RANBP2: variants seen among roughly 807,000 people sequenced by gnomAD.
The protein encoded by RANBP2 is E3 SUMO-protein ligase RanBP2.
RANBP2 carries 57 observed loss-of-function variants against 303.6 expected under a neutral mutation model. The ratio of observed to expected loss-of-function variants is 0.19; its 90% CI spans 0.15 to 0.23. RANBP2 has a LOEUF of 0.23. RANBP2 is among the 10% of genes least tolerant of loss of function. The pLI is 1.00. For synonymous variants in RANBP2, 1,167 were observed against 1,301.5 expected (o/e 0.90, Z 2.23); for missense variants, 3,138 against 3,780.8 (o/e 0.83, Z 4.46).
the RANBP2 span, among the ~76,000 whole-genome samples, chr2:109,230,135 T>C: frequency 6.6e-6 from 1 of 152,286 alleles, no homozygotes; most frequent in South Asian, 2.1e-4. Context: ...ATTTTTTTTT[T>C]CTTCTTAAGG....
the RANBP2 span, among the ~76,000 whole-genome samples, chr2:109,527,513 C>A: frequency 6.6e-6 from 1 of 152,164 alleles, no homozygotes; most frequent in African/African-American, 2.4e-5. Context: ...AGAGGAATAA[C>A]GCAGGCCCTG....
At chr2:109,295,681 G>T in the RANBP2 span, among the ~76,000 whole-genome samples, 26 of 152,308 alleles carry the variant, frequency 1.7e-4, no homozygotes, top group Middle Eastern at 3.4e-3. Context: ...GTTGGTGTCA[G>T]GAGGCCGGCA....
At chr2:109,713,721 G>A in the RANBP2 span, among the ~76,000 whole-genome samples, 3 of 152,132 alleles carry the variant, frequency 2.0e-5, no homozygotes, top group African/African-American at 7.2e-5. Context: ...AGCTAGGAAT[G>A]AAAGAAAACT....
the RANBP2 span, among the ~76,000 whole-genome samples, chr2:108,813,464 A>G: frequency 6.6e-6 from 1 of 152,182 alleles, no homozygotes; most frequent in Non-Finnish European, 1.5e-5. Flanking sequence ...ATATTTCAGC[A>G]GTGTTTCAGG....
chr2:108,738,276 C>T lies in RANBP2; in HGVS notation c.782+2027C>T, dbSNP rs367741934. ...ATTTTTAGTAGAGATGGGGTTTCAC[C>T]GCGTTAGCCAGGATGGTCTTGATCT... On this transcript the variant is annotated intron_variant, in intron 6 of 28. Coordinates refer to ENST00000283195, the MANE Select transcript of RANBP2 (RefSeq NM_006267.5). Among the ~76,000 whole-genome samples the T allele has an allele frequency of 1.1e-3, 171 of 151,736 alleles. 1 individual carries two copies. Among genetic ancestry groups the T allele is most frequent in the South Asian group, 5.4e-3 (26 of 4,796 alleles).
At chr2:109,182,063 G>C in the RANBP2 span, among the ~76,000 whole-genome samples, 4 of 152,150 alleles carry the variant, frequency 2.6e-5, no homozygotes, top group African/African-American at 9.7e-5. Context: ...CCGTAAACCT[G>C]AATAATTTTT....
At chr2:109,390,629 G>A in the RANBP2 span, among the ~76,000 whole-genome samples, 1 of 152,194 alleles carries the variant, frequency 6.6e-6, no homozygotes. Flanking sequence ...CTATGACAAA[G>A]GTGCAAGTGG....
the RANBP2 span, among the ~76,000 whole-genome samples, chr2:109,032,287 A>G: frequency 6.6e-6 from 1 of 151,996 alleles, no homozygotes. Context: ...ACTTCTGCAT[A>G]GCGATTTTTT....
the RANBP2 span, among the ~76,000 whole-genome samples, chr2:109,473,693 C>T: frequency 1.3e-5 from 2 of 152,086 alleles, no homozygotes; most frequent in Non-Finnish European, 2.9e-5. Context: ...CCATGTCCTG[C>T]TGCCGTGCCC....
the RANBP2 span, chr2:108,839,124 T>C: frequency 6.8e-6 from 10 of 1,462,278 alleles, no homozygotes; most frequent in Non-Finnish European, 9.1e-6. Flanking sequence ...TTGTGGTAAT[T>C]GATTTAAGAC....
At chr2:108,756,779 T>TA (rs1676347372) in intron 17 of RANBP2, among the ~76,000 whole-genome samples, 1 of 152,186 alleles carries the variant, frequency 6.6e-6, no homozygotes, top group Non-Finnish European at 1.5e-5. Flanking sequence ...TTCTTATCTT[T>TA]AAAATGAGAG....
chr2:109,673,652 T>A, the RANBP2 span, among the ~76,000 whole-genome samples: 2 of 151,830 alleles, frequency 1.3e-5, no homozygotes, highest in Non-Finnish European at 2.9e-5. Context: ...TCACCTGAGG[T>A]CAGGAGTTCG....
the RANBP2 span, among the ~76,000 whole-genome samples, chr2:108,898,682 A>C: frequency 3.3e-5 from 5 of 152,232 alleles, no homozygotes; most frequent in African/African-American, 9.6e-5. Flanking sequence ...GTGCTTCAAC[A>C]AGCAATTATG....
the RANBP2 span, among the ~76,000 whole-genome samples, chr2:109,344,029 C>T: frequency 1.3e-5 from 2 of 152,278 alleles, no homozygotes; most frequent in African/African-American, 4.8e-5. Context: ...TAGGCGTGAG[C>T]CACCATACCC....
chr2:109,459,221 T>C, the RANBP2 span, among the ~76,000 whole-genome samples: 3 of 152,144 alleles, frequency 2.0e-5, no homozygotes, highest in African/African-American at 7.2e-5. Context: ...AAAACAAAGG[T>C]ACTGCTTAAT....
At chr2:109,129,457 T>C in the RANBP2 span, 1 of 1,495,066 alleles carries the variant, frequency 6.7e-7, no homozygotes, top group Non-Finnish European at 8.9e-7. Flanking sequence ...GGCTCCCCAG[T>C]CCTGATGCTG....
At chr2:109,274,911 C>G in the RANBP2 span, among the ~76,000 whole-genome samples, 1 of 151,192 alleles carries the variant, frequency 6.6e-6, no homozygotes, top group Non-Finnish European at 1.5e-5. Flanking sequence ...GGCTGCACAA[C>G]ATTGTGAATG....
the RANBP2 span, among the ~76,000 whole-genome samples, chr2:109,081,443 T>G: frequency 2.6e-5 from 4 of 152,162 alleles, no homozygotes; most frequent in African/African-American, 9.7e-5. Context: ...TCTGGCCTGT[T>G]TTTTCACATG....
At chr2:108,821,707 G>A in the RANBP2 span, among the ~76,000 whole-genome samples, 1 of 151,880 alleles carries the variant, frequency 6.6e-6, no homozygotes, top group Admixed American at 6.6e-5. Flanking sequence ...TACTTTGGGA[G>A]GCTGAGACAG....
Sources: allele counts gnomAD v4.1 joint callset (sites outside exome capture counted in the v4.1 genomes callset), GRCh38; gene constraint gnomAD v4.1.1; transcripts MANE v1.5; gene names NCBI Gene and HGNC (gene_info 2026-07-23, HGNC 2026-07-21).